BIRC2: variants seen among roughly 807,000 people sequenced by gnomAD.
BIRC2 encodes the protein baculoviral IAP repeat containing 2, also known as baculoviral IAP repeat-containing protein 2.
Under a neutral mutation model 60.9 loss-of-function variants are expected in BIRC2, and 18 were observed. The observed-to-expected ratio is 0.30, with a 90% CI of 0.20 to 0.44. BIRC2 has a LOEUF of 0.44. Ranked by LOEUF, BIRC2 falls within the 20% of genes least tolerant of loss-of-function variation. The pLI is 1.00. For missense variants in BIRC2, 701 were observed against 728.5 expected, an observed-to-expected ratio of 0.96 and a Z score of 0.43; for synonymous variants, 282 against 247.7, an observed-to-expected ratio of 1.14 and a Z score of -1.30.
intron 3 of BIRC2, among the ~76,000 whole-genome samples, chr11:102,361,949 GGCTGATGTCTCCTAGTCTGCTGTCTT>G (rs1401751950): frequency 3.5e-4 from 53 of 151,786 alleles, no homozygotes; most frequent in African/African-American, 1.2e-3. Context: ...GGTGGAAGAA[GGCTGATGTCTCCTAGTCTGCTGTCTT>G]GCTGATGTCA....
chr11:102,358,244 A>G (rs1020825239), intron 3 of BIRC2, among the ~76,000 whole-genome samples: 4 of 152,212 alleles, frequency 2.6e-5, no homozygotes, highest in African/African-American at 9.6e-5. Context: ...AAGGTTGAGT[A>G]TCCCCAATCC....
At chr11:102,355,536 G>A (rs1029447491) in intron 3 of BIRC2, among the ~76,000 whole-genome samples, 3 of 152,074 alleles carry the variant, frequency 2.0e-5, no homozygotes, top group African/African-American at 7.2e-5. Context: ...TTGAAATTAG[G>A]AAGTATGATG....
intron 3 of BIRC2, among the ~76,000 whole-genome samples, chr11:102,355,612 C>G (rs748272133): frequency 6.6e-6 from 1 of 151,816 alleles, no homozygotes; most frequent in Non-Finnish European, 1.5e-5. Context: ...CCTTAAGTTC[C>G]GTACAAATTT....
intron 3 of BIRC2, among the ~76,000 whole-genome samples, chr11:102,361,045 T>TGG (rs1221807027): frequency 1.3e-5 from 2 of 152,078 alleles, no homozygotes; most frequent in African/African-American, 2.4e-5. Flanking sequence ...TTTTCTCCCA[T>TGG]GGGAGACATT....
Position 102,347,294 on chromosome 11 carries a change from C to T in BIRC2, c.-1340C>T, listed in dbSNP as rs538351971. ...GATCCGAGCCGAGCGGGCCGTATCT[C>T]CTTGTCGGCGCCGCTGATTCCCGGC... On this transcript the variant is annotated 5_prime_UTR_variant, in exon 1 of 9. Coordinates refer to ENST00000227758, the MANE Select transcript of BIRC2 (RefSeq NM_001166.5). 5 of 152,464 alleles carry T rather than the reference C, an allele frequency of 3.3e-5. No individual in the cohort carries two copies. In the East Asian group the frequency reaches 5.8e-4, roughly 18 times the overall value. 9.4% of individuals were successfully genotyped at this position (152,464 alleles called of 1,614,324 possible).
intron 3 of BIRC2, among the ~76,000 whole-genome samples, chr11:102,358,995 T>A (rs183448055): frequency 6.6e-6 from 1 of 152,326 alleles, no homozygotes; most frequent in East Asian, 1.9e-4. Flanking sequence ...TTCTGTCATT[T>A]TGTAATTGTT....
rs1300103643 is a variant in BIRC2 at position 102,368,397 on chromosome 11, T to C, written c.1215T>C (p.Asn405=). The C allele has an allele frequency of 3.1e-6, 5 of 1,613,892 alleles. No homozygotes were observed. Among genetic ancestry groups the C allele is most frequent in the East Asian group, 2.2e-5 (1 of 44,864 alleles). The change falls in exon 6 of 9, where the codon AAT becomes AAC. Residue 405 remains asparagine, a synonymous_variant. Coordinates refer to ENST00000227758, the MANE Select transcript of BIRC2 (RefSeq NM_001166.5). ...VVKSALEMGF[N]RDLVKQTVQS... ...AATCTGCCTTGGAAATGGGCTTTAA[T>C]AGAGACCTGGTGAAACAAACAGTTC... is the stretch of plus-strand genomic sequence containing the variant.
intron 3 of BIRC2, among the ~76,000 whole-genome samples, chr11:102,354,965 T>C (rs1242394018): frequency 6.7e-6 from 1 of 148,776 alleles, no homozygotes; most frequent in African/African-American, 2.5e-5. Context: ...TTTTTTTTTT[T>C]GCTATTGAGT....
intron 3 of BIRC2, among the ~76,000 whole-genome samples, chr11:102,354,698 A>C (rs947256752): frequency 1.3e-5 from 2 of 152,350 alleles, no homozygotes; most frequent in Admixed American, 6.5e-5. Context: ...TGACAGTAGT[A>C]AATTACCAAC....
chr11:102,348,973 T>G lies in BIRC2; in HGVS notation c.-882T>G, dbSNP rs1448264207. 6.4e-6 allele frequency: 1 copy of G among 155,088 alleles called. No homozygotes were observed. The highest frequency in any genetic ancestry group is 1.4e-5 in the Non-Finnish European group (1 of 69,738). 9.6% of individuals were successfully genotyped at this position (155,088 alleles called of 1,614,324 possible). A position where few individuals can be genotyped will look rare whatever the true frequency, so the allele number is the denominator to read the frequency against. On this transcript the variant is annotated 5_prime_UTR_variant, in exon 2 of 9. Transcript: ENST00000227758. ...GTTTTTAAATGCAGTGTAAAAAGTG[T>G]GCTGTGGAAATTTTATGGCTAACTA... is the stretch of plus-strand genomic sequence containing the variant.
At chr11:102,364,172 T>TATATATATATATATAC (rs1351743517) in intron 5 of BIRC2, among the ~76,000 whole-genome samples, 8 of 89,716 alleles carry the variant, frequency 8.9e-5, no homozygotes, top group East Asian at 3.6e-4. Flanking sequence ...TATATATATA[T>TATATATATATATATAC]ATACACACAC....
chr11:102,347,541 C>T (rs1284381849), intron 1 of BIRC2, 165 bp downstream of exon 1: 1 of 152,282 alleles, frequency 6.6e-6, no homozygotes, highest in Non-Finnish European at 1.5e-5. Flanking sequence ...TCTACTCTCG[C>T]CAAGGTTTTA....
chr11:102,362,840 C>T, intron 3 of BIRC2, 56 bp from the exon 4 acceptor site: 2 of 1,333,960 alleles, frequency 1.5e-6, no homozygotes, highest in Non-Finnish European at 2.1e-6. Context: ...CTAGAATGAT[C>T]AGGTTATATT....
chr11:102,366,934 T>C (rs985584837), intron 5 of BIRC2, among the ~76,000 whole-genome samples: 1 of 152,232 alleles, frequency 6.6e-6, no homozygotes, highest in Non-Finnish European at 1.5e-5. Context: ...CCACCTTCTT[T>C]CTGTTTCTTG....
intron 5 of BIRC2, among the ~76,000 whole-genome samples, chr11:102,366,976 T>C (rs1469590052): frequency 6.6e-6 from 1 of 152,222 alleles, no homozygotes; most frequent in Non-Finnish European, 1.5e-5. Flanking sequence ...AATTTAAGGT[T>C]TTTACACTTG....
At chr11:102,351,614 C>CAAAAAAAAAAAAAA (rs768269523) in intron 3 of BIRC2, among the ~76,000 whole-genome samples, 1 of 68,608 alleles carries the variant, frequency 1.5e-5, no homozygotes, top group Non-Finnish European at 2.6e-5. Flanking sequence ...GACTCTGTCT[C>CAAAAAAAAAAAAAA]AAAAAAAAAA....
intron 6 of BIRC2, among the ~76,000 whole-genome samples, chr11:102,376,074 A>C (rs1447909350): frequency 1.3e-5 from 2 of 152,162 alleles, no homozygotes; most frequent in African/African-American, 4.8e-5. Flanking sequence ...AATGAAATCC[A>C]GCTAAGGTTA....
intron 3 of BIRC2, among the ~76,000 whole-genome samples, chr11:102,358,261 C>G (rs1268999981): frequency 6.6e-6 from 1 of 152,106 alleles, no homozygotes; most frequent in African/African-American, 2.4e-5. Context: ...ATCCAAAAAT[C>G]CAAAATCCAA....
chr11:102,358,114 G>A (rs1158767745), intron 3 of BIRC2, among the ~76,000 whole-genome samples: 1 of 152,104 alleles, frequency 6.6e-6, no homozygotes, highest in African/African-American at 2.4e-5. Flanking sequence ...TAGGATTTCA[G>A]TCTTCCTCAG....
Sources: allele counts gnomAD v4.1 joint callset (sites outside exome capture counted in the v4.1 genomes callset), GRCh38; gene constraint gnomAD v4.1.1; transcripts MANE v1.5; gene names NCBI Gene and HGNC (gene_info 2026-07-23, HGNC 2026-07-21).